Variants in DLG2 observed in about 807,000 individuals in gnomAD.
The protein encoded by DLG2 is disks large homolog 2.
Under a neutral mutation model 132.5 loss-of-function variants are expected in DLG2, and 45 were observed. That is an observed-to-expected ratio of 0.34 (90% confidence interval 0.27 to 0.44). DLG2 has a LOEUF of 0.44. Among genes scored for constraint, DLG2 ranks in the 20% least tolerant of loss-of-function variants. The probability of loss-of-function intolerance (pLI) is 1.00; values close to 1 mark genes in which losing one functional copy is unlikely to be tolerated. For synonymous variants in DLG2, 424 were observed against 419.6 expected (o/e 1.01, Z -0.13); for missense variants, 1,045 against 1,196.9 (o/e 0.87, Z 1.87).
At chr11:85,197,221 G>A (rs2081135713) in intron 4 of DLG2, among the ~76,000 whole-genome samples, 1 of 152,102 alleles carries the variant, frequency 6.6e-6, no homozygotes, top group East Asian at 1.9e-4. Flanking sequence ...TTACTAAAAT[G>A]ATATGTCTGT....
chr11:84,453,034 AC>A (rs1305740291), intron 7 of DLG2, among the ~76,000 whole-genome samples: 4 of 151,608 alleles, frequency 2.6e-5, no homozygotes, highest in East Asian at 1.9e-4. Flanking sequence ...TATCACACGT[AC>A]CCCAAAAATA....
At chr11:85,374,984 G>A (rs190818873) in intron 3 of DLG2, among the ~76,000 whole-genome samples, 26 of 151,684 alleles carry the variant, frequency 1.7e-4, no homozygotes, top group Middle Eastern at 3.4e-3. Flanking sequence ...ACACACACAC[G>A]AAGACATAAA....
chr11:85,529,016 A>G lies in DLG2; in HGVS notation c.40+69641T>C, dbSNP rs114112765. ...ACAGCAATGAAAATTAATGAAGTAT[A>G]GCTGTATGCAACTACATTATTAATC... On this transcript the variant is annotated intron_variant, in intron 3 of 27. Transcript: ENST00000376104. Among the ~76,000 whole-genome samples, 480 of 152,378 alleles carry G rather than the reference A, an allele frequency of 3.2e-3. 2 individuals are homozygous for G. The highest frequency in any genetic ancestry group is 0.011 in the African/African-American group (462 of 41,584).
intron 11 of DLG2, among the ~76,000 whole-genome samples, chr11:84,024,904 C>T (rs1460646587): frequency 2.7e-5 from 4 of 149,490 alleles, no homozygotes; most frequent in Non-Finnish European, 4.4e-5. Flanking sequence ...CTCAAATGTT[C>T]TCACCACAAG....
chr11:84,753,298 G>C (rs745968299), intron 6 of DLG2, among the ~76,000 whole-genome samples: 14 of 152,158 alleles, frequency 9.2e-5, no homozygotes, highest in Non-Finnish European at 2.1e-4. Context: ...ACTGGATAAA[G>C]AAAGGAGTGG....
chr11:84,771,097 T>A (rs1183260760), intron 6 of DLG2, among the ~76,000 whole-genome samples: 1 of 152,210 alleles, frequency 6.6e-6, no homozygotes, highest in Non-Finnish European at 1.5e-5. Context: ...TATGTGTCTT[T>A]ATAACAGAAT....
chr11:85,511,705 C>T (rs561761653), intron 3 of DLG2, among the ~76,000 whole-genome samples: 7 of 146,216 alleles, frequency 4.8e-5, no homozygotes, highest in Non-Finnish European at 9.0e-5. Context: ...TTCCAACACA[C>T]TGTAAATGTT....
In DLG2 at chr11:83,510,619, G is replaced by C. The variant is rs1016665975; in HGVS notation, c.2193+22089C>G. Among the ~76,000 whole-genome samples the C allele has an allele frequency of 3.3e-5, 5 of 152,176 alleles. No homozygotes were observed. The East Asian group carries it at 9.7e-4, about 29-fold the overall frequency. ...GGTCATGCAGTAGGAGAGTGGAAGGGTGGGATGAGAACACAGGCCCCTTGT... is the reference window on the plus strand; with the variant it reads ...GGTCATGCAGTAGGAGAGTGGAAGGCTGGGATGAGAACACAGGCCCCTTGT... On this transcript the variant is annotated intron_variant, in intron 21 of 27. Transcript: ENST00000376104.
chr11:85,176,106 GT>G (rs990063715), intron 4 of DLG2, among the ~76,000 whole-genome samples: 4 of 151,948 alleles, frequency 2.6e-5, no homozygotes, highest in African/African-American at 9.7e-5. Flanking sequence ...AGAATTAGAA[GT>G]AACTGTTTTA....
intron 7 of DLG2, among the ~76,000 whole-genome samples, chr11:84,368,994 T>G (rs1188407336): frequency 6.6e-6 from 1 of 152,124 alleles, no homozygotes; most frequent in Non-Finnish European, 1.5e-5. Flanking sequence ...CTTCTCCACA[T>G]GAGGTAACGT....
intron 3 of DLG2, among the ~76,000 whole-genome samples, chr11:85,310,141 T>A (rs2080222487): frequency 6.6e-6 from 1 of 152,202 alleles, no homozygotes; most frequent in African/African-American, 2.4e-5. Context: ...GATTCCTGGT[T>A]CTTGATACAA....
intron 6 of DLG2, among the ~76,000 whole-genome samples, chr11:85,101,571 T>C (rs191118738): frequency 6.6e-6 from 1 of 152,234 alleles, no homozygotes; most frequent in East Asian, 1.9e-4. Context: ...TTCTTCCAGG[T>C]ACTTTTTTTG....
In DLG2 at chr11:84,005,903, A is replaced by G. The variant is rs75556939; in HGVS notation, c.920-25261T>C. Among the ~76,000 whole-genome samples, 888 of 151,990 alleles carry G rather than the reference A, an allele frequency of 5.8e-3. 4 individuals are homozygous for G. Among genetic ancestry groups the G allele is most frequent in the African/African-American group, 0.021 (857 of 41,554 alleles). On this transcript the variant is annotated intron_variant, in intron 11 of 27. Coordinates refer to ENST00000376104, the MANE Select transcript of DLG2 (RefSeq NM_001142699.3). ...TAAAATAGTGCAGCCATTTGCCACT[A>G]TGGACAATAGTATGGTGATTTCTCA...
intron 15 of DLG2, among the ~76,000 whole-genome samples, chr11:83,884,171 G>C (rs1465207339): frequency 6.6e-6 from 1 of 152,226 alleles, no homozygotes; most frequent in Non-Finnish European, 1.5e-5. Flanking sequence ...CAAGGGGTCA[G>C]GGAGTTTCCT....
intron 5 of DLG2, among the ~76,000 whole-genome samples, chr11:85,134,286 T>C (rs754307364): frequency 6.6e-6 from 1 of 150,802 alleles, no homozygotes; most frequent in Non-Finnish European, 1.5e-5. Flanking sequence ...GTATACTTTC[T>C]TGGGAGGCCG....
chr11:85,612,338 G>C (rs2081067662), intron 2 of DLG2, among the ~76,000 whole-genome samples: 1 of 152,214 alleles, frequency 6.6e-6, no homozygotes, highest in African/African-American at 2.4e-5. Context: ...ACCAGACCTA[G>C]GAGGAACTCC....
chr11:84,461,554 T>C (rs945958979), intron 7 of DLG2, among the ~76,000 whole-genome samples: 9 of 151,052 alleles, frequency 6.0e-5, no homozygotes, highest in African/African-American at 2.2e-4. Flanking sequence ...ATCAATCATG[T>C]ATAGGCAGTA....
intron 6 of DLG2, among the ~76,000 whole-genome samples, chr11:84,810,114 G>A (rs891518644): frequency 4.6e-5 from 7 of 151,818 alleles, no homozygotes; most frequent in African/African-American, 9.7e-5. Flanking sequence ...CTGATAAACT[G>A]GATTTAATCA....
chr11:83,861,249 G>A (rs1022624577), intron 16 of DLG2, among the ~76,000 whole-genome samples: 1 of 152,188 alleles, frequency 6.6e-6, no homozygotes, highest in Non-Finnish European at 1.5e-5. Context: ...TGAGGATATA[G>A]AGAAAAGGGA....
Sources: allele counts gnomAD v4.1 joint callset (sites outside exome capture counted in the v4.1 genomes callset), GRCh38; gene constraint gnomAD v4.1.1; transcripts MANE v1.5; gene names NCBI Gene and HGNC (gene_info 2026-07-23, HGNC 2026-07-21).